CYFIP1: variants seen among roughly 807,000 people sequenced by gnomAD.
The protein encoded by CYFIP1 is cytoplasmic FMR1 interacting protein 1.
In CYFIP1, 58 loss-of-function variants were observed where a neutral mutation model predicts 163.5. The ratio of observed to expected loss-of-function variants is 0.35; its 90% CI spans 0.29 to 0.44. The LOEUF (loss-of-function observed/expected upper bound fraction) is 0.44. Ranked by LOEUF, CYFIP1 falls within the 20% of genes least tolerant of loss-of-function variation. The pLI is 1.00. For missense variants in CYFIP1, 1,338 were observed against 1,653.8 expected, an observed-to-expected ratio of 0.81 and a Z score of 3.31; for synonymous variants, 663 against 660.7, an observed-to-expected ratio of 1.00 and a Z score of -0.05.
At chr15:22,875,890 A>ATATATATATATATATATATATATG (rs1555395907) in intron 26 of CYFIP1, among the ~76,000 whole-genome samples, 1 of 133,022 alleles carries the variant, frequency 7.5e-6, no homozygotes, top group Admixed American at 7.4e-5. Flanking sequence ...AATAACATAT[A>ATATATATATATATATATATATATG]TATATATAAA....
At chr15:22,894,938 C>G (rs1316595377) in intron 22 of CYFIP1, among the ~76,000 whole-genome samples, 1 of 148,576 alleles carries the variant, frequency 6.7e-6, no homozygotes, top group African/African-American at 2.5e-5. Context: ...TAACTGCAGC[C>G]TCAACCTCCT....
intron 1 of CYFIP1, among the ~76,000 whole-genome samples, chr15:22,977,835 A>AAAAAT (rs1191578419): frequency 1.3e-5 from 2 of 152,118 alleles, no homozygotes; most frequent in South Asian, 4.1e-4. Context: ...CTGTCTCACA[A>AAAAAT]AAAATAAAAT....
At chr15:22,972,859 T>C (rs981770516) in intron 1 of CYFIP1, among the ~76,000 whole-genome samples, 2 of 151,612 alleles carry the variant, frequency 1.3e-5, no homozygotes, top group Non-Finnish European at 2.9e-5. Flanking sequence ...ACACAAAAAT[T>C]AGGCGGTGGC....
At chr15:22,916,788 G>A (rs369609767) in intron 15 of CYFIP1, 158 bp from the exon 16 acceptor site, 62 of 1,585,230 alleles carry the variant, frequency 3.9e-5, no homozygotes, top group African/African-American at 2.3e-4. Flanking sequence ...CTGTCTACGC[G>A]GCCACGTTGC....
intron 22 of CYFIP1, among the ~76,000 whole-genome samples, chr15:22,893,822 G>A (rs2060146616): frequency 6.6e-6 from 1 of 152,128 alleles, no homozygotes; most frequent in East Asian, 1.9e-4. Flanking sequence ...TCAGTGCTTG[G>A]CATGCATGTC....
chr15:22,964,507 C>T (rs915133169), intron 1 of CYFIP1, among the ~76,000 whole-genome samples: 9 of 152,118 alleles, frequency 5.9e-5, no homozygotes, highest in African/African-American at 1.7e-4. Flanking sequence ...ACCTCGGCCA[C>T]GGTGCCCCAG....
chr15:22,880,776 G>A (rs561574207), intron 25 of CYFIP1, among the ~76,000 whole-genome samples: 2 of 152,234 alleles, frequency 1.3e-5, no homozygotes, highest in South Asian at 4.2e-4. Flanking sequence ...AGGACCAGCG[G>A]CCCGACACGG....
intron 23 of CYFIP1, among the ~76,000 whole-genome samples, chr15:22,889,984 G>A (rs1205774447): frequency 6.6e-6 from 1 of 152,076 alleles, no homozygotes; most frequent in Admixed American, 6.5e-5. Context: ...ATCCTTTTGA[G>A]TATAACTAAT....
chr15:22,958,551 C>G (rs180824432), intron 1 of CYFIP1, among the ~76,000 whole-genome samples: 3 of 152,210 alleles, frequency 2.0e-5, no homozygotes, highest in Non-Finnish European at 2.9e-5. Context: ...CACGTCTCCA[C>G]GCCACATGGC....
intron 22 of CYFIP1, among the ~76,000 whole-genome samples, chr15:22,893,997 G>A (rs773250288): frequency 3.3e-5 from 5 of 152,122 alleles, no homozygotes; most frequent in Admixed American, 6.5e-5. Flanking sequence ...GCTACGGTCA[G>A]GGTGATGCTC....
At chr15:22,973,385 C>A (rs929964389) in intron 1 of CYFIP1, among the ~76,000 whole-genome samples, 2 of 124,250 alleles carry the variant, frequency 1.6e-5, no homozygotes, top group Non-Finnish European at 3.5e-5. Flanking sequence ...TTTTTCTACC[C>A]GTTCTTCACT....
intron 1 of CYFIP1, among the ~76,000 whole-genome samples, chr15:22,963,506 T>TAACATAACATAACATAACATAACATAACA (rs1567038485): frequency 1.2e-4 from 14 of 118,566 alleles, no homozygotes; most frequent in African/African-American, 4.3e-4. Context: ...TAACATAACA[T>TAACATAACATAACATAACATAACATAACA]AACATAACAT....
At chr15:22,887,874 T>C (rs964778723) in intron 23 of CYFIP1, among the ~76,000 whole-genome samples, 11 of 152,108 alleles carry the variant, frequency 7.2e-5, no homozygotes, top group Non-Finnish European at 1.6e-4. Flanking sequence ...CCGTGCCTGA[T>C]ACAGTCTCCA....
At chr15:22,909,671 A>G (rs2060714926) in intron 20 of CYFIP1, among the ~76,000 whole-genome samples, 2 of 152,106 alleles carry the variant, frequency 1.3e-5, no homozygotes, top group Non-Finnish European at 1.5e-5. Flanking sequence ...TTAGTTTTCC[A>G]TATTTTACTA....
rs763639130 is a variant in CYFIP1 at position 22,870,022 on chromosome 15, G to A, written c.*6C>T. 1.3e-5 allele frequency: 20 copies of A among 1,593,612 alleles called. No homozygotes were observed. Among genetic ancestry groups the A allele is most frequent in the Non-Finnish European group, 1.5e-5 (18 of 1,173,044 alleles). On this transcript the variant is annotated 3_prime_UTR_variant, in exon 31 of 31. Transcript: ENST00000617928. ...CATGTTGAGTTACGGAGTGCAGCGC[G>A]TGCCCTCAGCTGCTGGCGAGGGACT...
rs1555428501 is a variant in CYFIP1, at chr15:22,980,177, A to AGC, written c.-7+109_-7+110insGC. 23 of 108,622 alleles carry AGC rather than the reference A, an allele frequency of 2.1e-4. 1 individual carries two copies. Among genetic ancestry groups the AGC allele is most frequent in the African/African-American group, 7.9e-4 (21 of 26,484 alleles). 6.7% of individuals were successfully genotyped at this position (108,622 alleles called of 1,614,324 possible). A position where few individuals can be genotyped will look rare whatever the true frequency, so the allele number is the denominator to read the frequency against. On this transcript the variant is annotated intron_variant, in intron 1 of 30. Transcript: ENST00000617928. ...GGCCGCGCCGCCGGGGTTGGGGGGGAGGGGGGGGTCCGTCCCGGCCCCGCC... is the reference window on the plus strand; with the variant it reads ...GGCCGCGCCGCCGGGGTTGGGGGGGAGCGGGGGGGGTCCGTCCCGGCCCCGCC...
chr15:22,972,036 A>G (rs978009004), intron 1 of CYFIP1, among the ~76,000 whole-genome samples: 12 of 152,212 alleles, frequency 7.9e-5, no homozygotes, highest in African/African-American at 2.9e-4. Context: ...ATGCAAATAG[A>G]AAAAGAAATC....
At chr15:22,943,138 C>A (rs778957087) in intron 6 of CYFIP1, 35 bp downstream of exon 6, 1 of 1,603,638 alleles carries the variant, frequency 6.2e-7, no homozygotes, top group Non-Finnish European at 8.5e-7. Flanking sequence ...TGGGTGCTCT[C>A]GGGAGGGCCC....
intron 26 of CYFIP1, among the ~76,000 whole-genome samples, chr15:22,879,246 C>T (rs1282147300): frequency 6.6e-6 from 1 of 152,148 alleles, no homozygotes; most frequent in South Asian, 2.1e-4. Context: ...TCGTTAGTCA[C>T]GATGGAAGGC....
Sources: allele counts gnomAD v4.1 joint callset (sites outside exome capture counted in the v4.1 genomes callset), GRCh38; gene constraint gnomAD v4.1.1; transcripts MANE v1.5; gene names NCBI Gene and HGNC (gene_info 2026-07-23, HGNC 2026-07-21).